AKAP7: variants seen among roughly 807,000 people sequenced by gnomAD.
AKAP7 encodes the protein A kinase (PRKA) anchor protein 7.
In AKAP7, 39 loss-of-function variants were observed where a neutral mutation model predicts 39.5. The observed-to-expected ratio is 0.99, with a 90% CI of 0.76 to 1.29. The LOEUF (loss-of-function observed/expected upper bound fraction) is 1.29. Among genes scored for constraint, AKAP7 ranks in the 50% most tolerant of loss-of-function variants. The probability of loss-of-function intolerance (pLI) is 0.00; values close to 1 mark genes in which losing one functional copy is unlikely to be tolerated. For synonymous variants in AKAP7, 140 were observed against 139.1 expected (o/e 1.01, Z -0.05); for missense variants, 414 against 407.7 (o/e 1.02, Z -0.13).
chr6:131,223,718 T>C (rs570313029), intron 7 of AKAP7, among the ~76,000 whole-genome samples: 31 of 152,296 alleles, frequency 2.0e-4, no homozygotes, highest in Admixed American at 3.3e-4. Flanking sequence ...GCCAACCTTA[T>C]AAGAATTGCA....
At chr6:131,147,590 T>G (rs1050490617) in intron 2 of AKAP7, among the ~76,000 whole-genome samples, 5 of 152,258 alleles carry the variant, frequency 3.3e-5, no homozygotes, top group African/African-American at 1.2e-4. Flanking sequence ...GTTTTCCTCT[T>G]AATATCCTAC....
chr6:131,234,616 T>TC (rs1355879947), intron 7 of AKAP7, among the ~76,000 whole-genome samples: 1 of 152,028 alleles, frequency 6.6e-6, no homozygotes, highest in Non-Finnish European at 1.5e-5. Flanking sequence ...TTTTTTTTTT[T>TC]CACTTTTAAA....
chr6:131,257,548 G>T (rs888799214), intron 7 of AKAP7, among the ~76,000 whole-genome samples: 1 of 152,004 alleles, frequency 6.6e-6, no homozygotes, highest in Non-Finnish European at 1.5e-5. Context: ...CCACTTCTTG[G>T]GGTCTTGTCC....
At chr6:131,192,779 GT>G (rs1806547533) in intron 5 of AKAP7, among the ~76,000 whole-genome samples, 1 of 152,020 alleles carries the variant, frequency 6.6e-6, no homozygotes, top group Non-Finnish European at 1.5e-5. Flanking sequence ...GTTTTATAGA[GT>G]TCATTGTAGA....
chr6:131,222,493 C>T (rs1299853578), intron 7 of AKAP7, among the ~76,000 whole-genome samples: 1 of 151,986 alleles, frequency 6.6e-6, no homozygotes, highest in Admixed American at 6.6e-5. Context: ...CACCACTGCA[C>T]TCCAGCCTGG....
chr6:131,137,366 C>T (rs1201876272), intron 1 of AKAP7: 1 of 151,824 alleles, frequency 6.6e-6, no homozygotes, highest in Non-Finnish European at 1.5e-5. Flanking sequence ...GGAGAACTCT[C>T]CATACCCTTT....
At chr6:131,177,786 A>G (rs920678504) in intron 5 of AKAP7, among the ~76,000 whole-genome samples, 2 of 152,190 alleles carry the variant, frequency 1.3e-5, no homozygotes, top group Non-Finnish European at 2.9e-5. Context: ...TGTGCTCTTA[A>G]TTACTATGCT....
chr6:131,241,627 G>GTATATATATA (rs60816569), intron 7 of AKAP7, among the ~76,000 whole-genome samples: 16 of 86,670 alleles, frequency 1.8e-4, no homozygotes, highest in Admixed American at 7.1e-4. Context: ...GTGTGTGTGT[G>GTATATATATA]TATATATATA....
chr6:131,185,939 ATAATTT>A (rs1805804941), intron 5 of AKAP7, among the ~76,000 whole-genome samples: 1 of 152,194 alleles, frequency 6.6e-6, no homozygotes, highest in Non-Finnish European at 1.5e-5. Context: ...TAAGAGTCTT[ATAATTT>A]TAACTCTTAT....
chr6:131,129,657 C>T, the AKAP7 span, among the ~76,000 whole-genome samples: 223 of 152,292 alleles, frequency 1.5e-3, no homozygotes, highest in African/African-American at 5.2e-3. Flanking sequence ...CTGTGTCTGA[C>T]TACTGAAATA....
intron 7 of AKAP7, chr6:131,250,267 G>A: frequency 1.7e-6 from 2 of 1,182,968 alleles, no homozygotes; most frequent in South Asian, 5.1e-5. Context: ...CTGACCTATG[G>A]CCAGGGACTC....
At chr6:131,250,340 A>G in intron 7 of AKAP7, 1 of 1,349,080 alleles carries the variant, frequency 7.4e-7, no homozygotes, top group Non-Finnish European at 9.6e-7. Flanking sequence ...GTCCCAGAGC[A>G]GTTGCATTAG....
intron 7 of AKAP7, among the ~76,000 whole-genome samples, chr6:131,247,113 A>T (rs1490182202): frequency 6.6e-6 from 1 of 151,708 alleles, no homozygotes; most frequent in African/African-American, 2.4e-5. Flanking sequence ...GTGTCCAGTA[A>T]ATGTTAGGTT....
At chr6:131,229,514 A>G (rs945858231) in intron 7 of AKAP7, among the ~76,000 whole-genome samples, 1 of 151,942 alleles carries the variant, frequency 6.6e-6, no homozygotes, top group Non-Finnish European at 1.5e-5. Context: ...GTACCTGGCT[A>G]ATTTTGGTAT....
At chr6:131,200,731 T>C (rs1171748407) in intron 6 of AKAP7, 1 of 152,106 alleles carries the variant, frequency 6.6e-6, no homozygotes, top group African/African-American at 2.4e-5. Flanking sequence ...ATTAGGTATG[T>C]TAGGTAAAAA....
chr6:131,180,938 ACT>A lies in AKAP7; in HGVS notation c.589+11670_589+11671del, dbSNP rs1805160056. Among the ~76,000 whole-genome samples the A allele has an allele frequency of 2.1e-5, 3 of 145,718 alleles. No homozygotes were observed. In the South Asian group the frequency reaches 6.5e-4, roughly 32 times the overall value. ...TTATATTTTTAGATTTCTGGACCTG[ACT>A]CTCTGTTTAACTATGTTTCTCTTTT... On this transcript the variant is annotated intron_variant, in intron 5 of 7. Coordinates refer to ENST00000431975, the MANE Select transcript of AKAP7 (RefSeq NM_016377.4).
chr6:131,175,961 T>C (rs6934388), intron 5 of AKAP7, among the ~76,000 whole-genome samples: 2,365 of 152,312 alleles, frequency 0.016, 72 homozygotes, highest in African/African-American at 0.054. Flanking sequence ...TATTTTCTTA[T>C]AAAAGGTCCC....
chr6:131,193,652 G>A (rs954357611), intron 5 of AKAP7, among the ~76,000 whole-genome samples: 6 of 152,072 alleles, frequency 3.9e-5, no homozygotes, highest in Admixed American at 3.9e-4. Context: ...TAAATGTTTG[G>A]TAGAATTCAG....
intron 7 of AKAP7, among the ~76,000 whole-genome samples, chr6:131,257,827 GA>G (rs1274392756): frequency 6.6e-6 from 1 of 152,092 alleles, no homozygotes; most frequent in Non-Finnish European, 1.5e-5. Context: ...CCATGCCCAA[GA>G]CCTTCTGCAC....
Sources: allele counts gnomAD v4.1 joint callset (sites outside exome capture counted in the v4.1 genomes callset), GRCh38; gene constraint gnomAD v4.1.1; transcripts MANE v1.5; gene names NCBI Gene and HGNC (gene_info 2026-07-23, HGNC 2026-07-21).